Variants in OSBP observed in about 807,000 individuals in gnomAD.
OSBP encodes the protein oxysterol-binding protein 1.
OSBP carries 32 observed loss-of-function variants against 96.6 expected under a neutral mutation model. The ratio of observed to expected loss-of-function variants is 0.33; its 90% CI spans 0.25 to 0.45. The LOEUF (loss-of-function observed/expected upper bound fraction) is 0.45. Among genes scored for constraint, OSBP ranks in the 20% least tolerant of loss-of-function variants. The pLI is 1.00. For synonymous variants in OSBP, 369 were observed against 389.6 expected, an observed-to-expected ratio of 0.95 and a Z score of 0.62; for missense variants, 653 against 1,029.7, an observed-to-expected ratio of 0.63 and a Z score of 5.01.
At chr11:59,601,117 A>C (rs74470990) in intron 5 of OSBP, among the ~76,000 whole-genome samples, 166 bp downstream of exon 5, 4 of 138,534 alleles carry the variant, frequency 2.9e-5, no homozygotes, top group Non-Finnish European at 6.0e-5. Flanking sequence ...TCTTGAGACA[A>C]AAAAAAAAAA....
chr11:59,577,721 T>C (rs1252550158), intron 12 of OSBP, among the ~76,000 whole-genome samples: 3 of 152,106 alleles, frequency 2.0e-5, no homozygotes, highest in Non-Finnish European at 4.4e-5. Context: ...GAACTCCTAA[T>C]CACAAGTGAT....
chr11:59,594,231 T>G lies in OSBP; in HGVS notation c.1336A>C (p.Met446Leu). Reference protein sequence around the residue: ...MPVNFNEPLSMLQRLTEDLEY... With the variant: ...MPVNFNEPLSLLQRLTEDLEY... ...AGATCTTCAGTAAGGCGCTGAAGCATGGACAAGGGCTCATTAAAGTTTACC... is the reference window on the plus strand; with the variant it reads ...AGATCTTCAGTAAGGCGCTGAAGCAGGGACAAGGGCTCATTAAAGTTTACC... The change falls in exon 8 of 14, where the codon ATG (methionine) becomes CTG (leucine). Residue 446 changes from methionine to leucine, a missense_variant. By Grantham distance (15) the Met-to-Leu change is conservative. Coordinates refer to ENST00000263847, the MANE Select transcript of OSBP (RefSeq NM_002556.3). The G allele has an allele frequency of 6.2e-7, 1 of 1,614,040 alleles. No homozygotes were observed. The highest frequency in any genetic ancestry group is 8.5e-7 in the Non-Finnish European group (1 of 1,179,924).
At chr11:59,578,004 CCTT>C in intron 12 of OSBP, 142 bp downstream of exon 12, 1 of 709,872 alleles carries the variant, frequency 1.4e-6, no homozygotes, top group South Asian at 1.9e-5. Flanking sequence ...ACAATGACAA[CCTT>C]CTGTTAATCT....
intron 3 of OSBP, 78 bp downstream of exon 3, chr11:59,608,406 A>G: frequency 6.4e-7 from 1 of 1,574,482 alleles, no homozygotes. Flanking sequence ...ATCAATTACA[A>G]TTTTTAGGCA....
chr11:59,605,775 T>G (rs879788202), intron 3 of OSBP, among the ~76,000 whole-genome samples: 3 of 152,220 alleles, frequency 2.0e-5, no homozygotes, highest in Non-Finnish European at 4.4e-5. Flanking sequence ...ACATCAATTA[T>G]CTGACAAAAG....
intron 1 of OSBP, among the ~76,000 whole-genome samples, chr11:59,611,979 T>C (rs914278173): frequency 6.6e-6 from 1 of 152,216 alleles, no homozygotes; most frequent in African/African-American, 2.4e-5. Flanking sequence ...AGACTGCACT[T>C]TTCCCTGTCC....
At chr11:59,607,950 T>C (rs1860802896) in intron 3 of OSBP, among the ~76,000 whole-genome samples, 2 of 152,194 alleles carry the variant, frequency 1.3e-5, no homozygotes, top group Admixed American at 6.6e-5. Context: ...TGGGAATAAC[T>C]AGTACTATAA....
chr11:59,587,616 C>T (rs1259256825), intron 9 of OSBP, among the ~76,000 whole-genome samples: 1 of 152,120 alleles, frequency 6.6e-6, no homozygotes, highest in Non-Finnish European at 1.5e-5. Flanking sequence ...TAGATAAATG[C>T]ATGTCAAACC....
At chr11:59,589,519 T>A (rs1037703531) in intron 9 of OSBP, among the ~76,000 whole-genome samples, 2 of 151,460 alleles carry the variant, frequency 1.3e-5, no homozygotes, top group Non-Finnish European at 2.9e-5. Flanking sequence ...GAGAATTGCA[T>A]GAGCCTGGGA....
At position 59,594,100 on chromosome 11, in the gene OSBP, G is replaced by A. The variant is rs1324889167; in HGVS notation, c.1467C>T (p.Phe489=). ...GTGGGTTGAATGGCTTACTGGTGCGGAAGACAGTAGTGGAGTAGGAGGACA... is the reference window on the plus strand; with the variant it reads ...GTGGGTTGAATGGCTTACTGGTGCGAAAGACAGTAGTGGAGTAGGAGGACA... ...FTVSSYSTTV[F]RTSKPFNPLL... Residue 489 remains phenylalanine (F), a synonymous_variant, in exon 8 of 14, where the codon TTC becomes TTT. Transcript: ENST00000263847. The A allele has an allele frequency of 1.2e-6, 2 of 1,614,006 alleles. No individual in the cohort carries two copies. The highest frequency in any genetic ancestry group is 1.6e-4 in the Middle Eastern group (1 of 6,084).
chr11:59,608,016 G>A (rs992244099), intron 3 of OSBP, among the ~76,000 whole-genome samples: 2 of 152,146 alleles, frequency 1.3e-5, no homozygotes, highest in African/African-American at 2.4e-5. Flanking sequence ...GCCTGAATGC[G>A]TTAGTAAAGT....
At chr11:59,595,326 G>GA (rs1410693279) in intron 7 of OSBP, among the ~76,000 whole-genome samples, 1 of 142,990 alleles carries the variant, frequency 7.0e-6, no homozygotes, top group Non-Finnish European at 1.5e-5. Flanking sequence ...AAAGAAGAAA[G>GA]AAAAAATTCC....
intron 7 of OSBP, among the ~76,000 whole-genome samples, chr11:59,596,403 A>G (rs1174069096): frequency 3.3e-5 from 5 of 152,132 alleles, no homozygotes; most frequent in Non-Finnish European, 5.9e-5. Context: ...GAATCAGCAC[A>G]TTGCTATCAC....
At position 59,609,542 on chromosome 11, in the gene OSBP, C is replaced by A. The variant is rs547281416; in HGVS notation, c.572-808G>T. Among the ~76,000 whole-genome samples, 12 of 151,042 alleles carry A rather than the reference C, an allele frequency of 7.9e-5. No homozygotes were observed. The East Asian group carries it at 2.3e-3, about 29-fold the overall frequency. On this transcript the variant is annotated intron_variant, in intron 2 of 13. Transcript: ENST00000263847. ...TTTCTGCTAGACAGAGAGACGGGGC[C>A]AAAGTCAAAATATAACTTACTACCA...
At chr11:59,589,445 A>G (rs982626459) in intron 9 of OSBP, among the ~76,000 whole-genome samples, 1 of 151,768 alleles carries the variant, frequency 6.6e-6, no homozygotes, top group African/African-American at 2.4e-5. Flanking sequence ...TACTAAAAAT[A>G]TAAAAATTAG....
chr11:59,605,115 T>G (rs1315819469), intron 3 of OSBP, among the ~76,000 whole-genome samples: 3 of 151,872 alleles, frequency 2.0e-5, no homozygotes, highest in African/African-American at 7.3e-5. Context: ...ATCACACTAT[T>G]GCACTCCAGC....
chr11:59,585,836 T>A (rs1364324546), intron 9 of OSBP, among the ~76,000 whole-genome samples: 1 of 152,266 alleles, frequency 6.6e-6, no homozygotes, highest in Non-Finnish European at 1.5e-5. Context: ...AAAATTCTTC[T>A]GCCTTGGGAT....
chr11:59,579,116 G>C (rs1335151851), intron 11 of OSBP, among the ~76,000 whole-genome samples: 1 of 151,928 alleles, frequency 6.6e-6, no homozygotes, highest in African/African-American at 2.4e-5. Flanking sequence ...CATCTGACTG[G>C]TACTCAGAAT....
chr11:59,576,486 G>A lies in OSBP; in HGVS notation c.*91C>T, dbSNP rs890189138. On this transcript the variant is annotated 3_prime_UTR_variant, in exon 14 of 14. Transcript: ENST00000263847. ...GTCAAGAGAGACAAACTTGAGGAAA[G>A]CACTTGGTAAGAGAGTCACAACTTC... is the stretch of plus-strand genomic sequence containing the variant. 7.4e-5 allele frequency: 102 copies of A among 1,384,308 alleles called. No homozygotes were observed. The highest frequency in any genetic ancestry group is 2.2e-4 in the Middle Eastern group (1 of 4,612). 85.8% of individuals were successfully genotyped at this position (1,384,308 alleles called of 1,614,324 possible). A position where few individuals can be genotyped will look rare whatever the true frequency, so the allele number is the denominator to read the frequency against.
Sources: allele counts gnomAD v4.1 joint callset (sites outside exome capture counted in the v4.1 genomes callset), GRCh38; gene constraint gnomAD v4.1.1; transcripts MANE v1.5; gene names NCBI Gene and HGNC (gene_info 2026-07-23, HGNC 2026-07-21).